Variants in TMOD1 observed in about 807,000 individuals in gnomAD.
TMOD1 encodes tropomodulin-1.
In TMOD1, 17 loss-of-function variants were observed where a neutral mutation model predicts 40.6. That is an observed-to-expected ratio of 0.42 (90% confidence interval 0.29 to 0.63). The LOEUF (loss-of-function observed/expected upper bound fraction) is 0.63. Ranked by LOEUF, TMOD1 falls within the 20% of genes least tolerant of loss-of-function variation. TMOD1 has a pLI of 0.22. For missense variants in TMOD1, 391 were observed against 447.6 expected (o/e 0.87, Z 1.14); for synonymous variants, 181 against 175.0 (o/e 1.03, Z -0.27).
chr9:97,522,739 T>A (rs1829936797), intron 1 of TMOD1, among the ~76,000 whole-genome samples: 1 of 151,974 alleles, frequency 6.6e-6, no homozygotes, highest in Admixed American at 6.6e-5. Flanking sequence ...ATTTTTGTAT[T>A]TTTTGTAGAG....
At position 97,553,345 on chromosome 9, in the gene TMOD1, G is replaced by A. The variant is rs186200446; in HGVS notation, c.342G>A (p.Pro114=). The A allele has an allele frequency of 1.9e-5, 30 of 1,614,208 alleles. No individual in the cohort carries two copies. Among genetic ancestry groups the A allele is most frequent in the East Asian group, 1.3e-4 (6 of 44,886 alleles). The part of the protein sequence containing the change: ...DPVLESVTLE[P]ELEEALANAS... ...TGCTGGAAAGTGTGACGCTGGAACC[G>A]GAGCTGGAGGAAGCCTTGGCAAATG... The change falls in exon 4 of 10, where the codon CCG becomes CCA. Residue 114 remains proline (P), a synonymous_variant. Coordinates refer to ENST00000259365, the MANE Select transcript of TMOD1 (RefSeq NM_003275.4).
intron 9 of TMOD1, among the ~76,000 whole-genome samples, chr9:97,595,207 C>T (rs1233135891): frequency 6.6e-6 from 1 of 152,238 alleles, no homozygotes; most frequent in Non-Finnish European, 1.5e-5. Flanking sequence ...AGCATATCAT[C>T]ACCTCAAATA....
At chr9:97,528,259 C>T (rs913685972) in intron 2 of TMOD1, among the ~76,000 whole-genome samples, 3 of 152,142 alleles carry the variant, frequency 2.0e-5, no homozygotes, top group African/African-American at 7.2e-5. Context: ...CAGGCAGGCA[C>T]GGAGACTCGG....
intron 8 of TMOD1, among the ~76,000 whole-genome samples, chr9:97,588,372 A>G (rs1397769537): frequency 6.6e-6 from 1 of 152,014 alleles, no homozygotes; most frequent in Admixed American, 6.6e-5. Flanking sequence ...TCATATATTT[A>G]TTTGCCATTT....
Position 97,601,471 on chromosome 9 carries a change from G to A in TMOD1, c.*1773G>A. 3 of 1,000,222 alleles carry A rather than the reference G, an allele frequency of 3.0e-6. No homozygotes were observed. The highest frequency in any genetic ancestry group is 8.2e-5 in the South Asian group (2 of 24,326). 62.0% of individuals were successfully genotyped at this position (1,000,222 alleles called of 1,614,324 possible). A position where few individuals can be genotyped will look rare whatever the true frequency, so the allele number is the denominator to read the frequency against. On this transcript the variant is annotated 3_prime_UTR_variant, in exon 10 of 10. Transcript: ENST00000259365. ...AAAAGCTCAGAGAGTAAGTGCTGGGGAAAGCAGAGCTATCAGAGGAAATCT... is the reference window on the plus strand; with the variant it reads ...AAAAGCTCAGAGAGTAAGTGCTGGGAAAAGCAGAGCTATCAGAGGAAATCT...
intron 8 of TMOD1, among the ~76,000 whole-genome samples, chr9:97,569,695 GA>G (rs1004605580): frequency 2.0e-5 from 3 of 152,190 alleles, no homozygotes; most frequent in African/African-American, 7.2e-5. Context: ...ACCAGGCTCT[GA>G]GATACACATC....
At chr9:97,547,591 G>A (rs993419911) in intron 3 of TMOD1, among the ~76,000 whole-genome samples, 1 of 152,186 alleles carries the variant, frequency 6.6e-6, no homozygotes, top group Non-Finnish European at 1.5e-5. Flanking sequence ...AACAGCATCT[G>A]GCAGGAAATG....
chr9:97,514,066 A>AT (rs199672940), intron 1 of TMOD1, among the ~76,000 whole-genome samples: 1,946 of 145,906 alleles, frequency 0.013, 34 homozygotes, highest in African/African-American at 0.044. Context: ...ACTGTCTTAA[A>AT]TTTTTTTTTT....
chr9:97,549,108 A>AG (rs1830411131), intron 3 of TMOD1, among the ~76,000 whole-genome samples: 1 of 152,266 alleles, frequency 6.6e-6, no homozygotes, highest in Admixed American at 6.5e-5. Flanking sequence ...ACCAGAATAT[A>AG]GCTCCAGGCA....
At chr9:97,571,928 G>C (rs1175855469) in intron 8 of TMOD1, among the ~76,000 whole-genome samples, 2 of 152,214 alleles carry the variant, frequency 1.3e-5, no homozygotes, top group African/African-American at 4.8e-5. Context: ...CCAGGACTGT[G>C]CTGGGCTGTG....
At chr9:97,592,172 C>T (rs1826016457) in intron 9 of TMOD1, among the ~76,000 whole-genome samples, 1 of 152,008 alleles carries the variant, frequency 6.6e-6, no homozygotes, top group East Asian at 1.9e-4. Context: ...TGTTCACAAG[C>T]TCTGTGTAGT....
chr9:97,575,264 G>T (rs1295054080), intron 8 of TMOD1, among the ~76,000 whole-genome samples: 1 of 152,108 alleles, frequency 6.6e-6, no homozygotes, highest in African/African-American at 2.4e-5. Flanking sequence ...CACTCACCGC[G>T]AAGGCCTGCA....
intron 8 of TMOD1, among the ~76,000 whole-genome samples, chr9:97,577,892 TG>T (rs1554684750): frequency 6.6e-6 from 1 of 152,214 alleles, no homozygotes; most frequent in Non-Finnish European, 1.5e-5. Flanking sequence ...TTTATGACAT[TG>T]TTTAGCATGC....
At chr9:97,523,088 T>G (rs993869639) in intron 1 of TMOD1, among the ~76,000 whole-genome samples, 4 of 151,972 alleles carry the variant, frequency 2.6e-5, no homozygotes, top group Admixed American at 2.0e-4. Flanking sequence ...ATGTTTTAAT[T>G]AAAAGACCTA....
At chr9:97,584,625 TG>T (rs1227849467) in intron 8 of TMOD1, among the ~76,000 whole-genome samples, 2 of 152,202 alleles carry the variant, frequency 1.3e-5, no homozygotes, top group African/African-American at 4.8e-5. Context: ...ATTATTAATG[TG>T]TGGGAGTCTA....
intron 6 of TMOD1, among the ~76,000 whole-genome samples, chr9:97,565,432 G>A (rs4743114): frequency 0.18 from 28,048 of 151,930 alleles, 2,879 homozygotes; most frequent in South Asian, 0.4. Context: ...CCCCTTACCT[G>A]TTTTCCAGAA....
intron 8 of TMOD1, among the ~76,000 whole-genome samples, chr9:97,583,860 T>G (rs1341194432): frequency 6.7e-6 from 1 of 148,904 alleles, no homozygotes; most frequent in East Asian, 2.0e-4. Flanking sequence ...CCCTTTATCA[T>G]TTTTTATTGC....
At chr9:97,564,623 T>C (rs1830698417) in intron 6 of TMOD1, among the ~76,000 whole-genome samples, 1 of 152,224 alleles carries the variant, frequency 6.6e-6, no homozygotes, top group African/African-American at 2.4e-5. Flanking sequence ...ATCACGTTCA[T>C]ATTCAGCCTT....
chr9:97,539,149 C>T (rs1342801467), intron 2 of TMOD1, among the ~76,000 whole-genome samples: 2 of 152,210 alleles, frequency 1.3e-5, no homozygotes, highest in East Asian at 3.8e-4. Context: ...TTTGTGGGAT[C>T]ATAGCCCTAC....
Sources: gnomAD v4.1 joint callset for allele counts (sites outside exome capture counted in the v4.1 genomes callset) on GRCh38, gnomAD v4.1.1 for gene constraint, MANE v1.5 for transcripts, NCBI Gene and HGNC (gene_info 2026-07-23, HGNC 2026-07-21) for gene names.